Variants in TMEM50B observed in about 807,000 individuals in gnomAD.
TMEM50B encodes HCV p7-trans-regulated protein 3.
TMEM50B carries 14 observed loss-of-function variants against 23.4 expected under a neutral mutation model. The observed-to-expected ratio is 0.60, with a 90% CI of 0.39 to 0.93. The LOEUF is 0.93. TMEM50B is among the 40% of genes least tolerant of loss of function. The pLI is 0.00. For missense variants in TMEM50B, 159 were observed against 193.0 expected (o/e 0.82, Z 1.04); for synonymous variants, 64 against 62.3 (o/e 1.03, Z -0.13).
At chr21:33,438,267 G>C (rs547554666) in intron 8 of TMEM50B, among the ~76,000 whole-genome samples, 1 of 152,256 alleles carries the variant, frequency 6.6e-6, no homozygotes, top group South Asian at 2.1e-4. Flanking sequence ...TTCCAGCCTT[G>C]GCAACAGAGC....
chr21:33,432,950 ATC>A (rs2083905057), intron 8 of TMEM50B: 4 of 1,202,296 alleles, frequency 3.3e-6, no homozygotes, highest in Admixed American at 3.9e-5. Context: ...TCATGGTACA[ATC>A]TCTGCTCACT....
intron 6 of TMEM50B, 100 bp downstream of exon 6, chr21:33,455,627 C>T: frequency 2.0e-6 from 2 of 1,022,434 alleles, no homozygotes; most frequent in Non-Finnish European, 3.0e-6. Flanking sequence ...TCATTGTAAC[C>T]AATCCATGGG....
At chr21:33,451,206 G>A (rs1411965004) in intron 6 of TMEM50B, among the ~76,000 whole-genome samples, 2 of 152,084 alleles carry the variant, frequency 1.3e-5, no homozygotes, top group Non-Finnish European at 2.9e-5. Flanking sequence ...CAGGCATTAG[G>A]GCCATTTTAT....
chr21:33,439,024 G>A (rs919736259), intron 8 of TMEM50B, among the ~76,000 whole-genome samples: 7 of 152,012 alleles, frequency 4.6e-5, no homozygotes, highest in South Asian at 2.1e-4. Flanking sequence ...CACCGTGTCC[G>A]GCAAAAGTGG....
At chr21:33,452,805 T>C (rs1764851712) in intron 6 of TMEM50B, among the ~76,000 whole-genome samples, 1 of 151,932 alleles carries the variant, frequency 6.6e-6, no homozygotes, top group Admixed American at 6.6e-5. Flanking sequence ...AAATGAAGAG[T>C]AAACAGAAGC....
intron 1 of TMEM50B, among the ~76,000 whole-genome samples, chr21:33,470,893 G>C (rs562974585): frequency 6.6e-6 from 1 of 150,696 alleles, no homozygotes; most frequent in African/African-American, 2.4e-5. Flanking sequence ...CCCTCTCAAA[G>C]AAAAAAAAAG....
chr21:33,433,396 T>C (rs2083909807), intron 8 of TMEM50B, among the ~76,000 whole-genome samples: 1 of 152,214 alleles, frequency 6.6e-6, no homozygotes, highest in Non-Finnish European at 1.5e-5. Flanking sequence ...AAATCTTTAA[T>C]AGATGGTCTT....
downstream of TMEM50B, chr21:33,449,016 A>G (rs2084092719): frequency 6.6e-6 from 1 of 152,188 alleles, no homozygotes; most frequent in Non-Finnish European, 1.5e-5. Flanking sequence ...AGCATTTTAC[A>G]AGTCTATTTC....
chr21:33,439,018 G>T (rs1335852697), intron 8 of TMEM50B, among the ~76,000 whole-genome samples: 1 of 152,034 alleles, frequency 6.6e-6, no homozygotes, highest in Non-Finnish European at 1.5e-5. Flanking sequence ...GTGAGCCACC[G>T]TGTCCGGCAA....
chr21:33,465,219 G>T, intron 4 of TMEM50B, 123 bp downstream of exon 4: 1 of 616,954 alleles, frequency 1.6e-6, no homozygotes, highest in Non-Finnish European at 2.7e-6. Flanking sequence ...TTGTTTTAAA[G>T]CAAATAAAAA....
rs373784510 is a variant in TMEM50B at position 33,450,980 on chromosome 21, T to A, written c.432-117A>T. 1.6e-3 allele frequency: 1,240 copies of A among 797,294 alleles called. 14 individuals carry two copies. The South Asian group carries it at 0.017, about 11-fold the overall frequency. 49.4% of individuals were successfully genotyped at this position (797,294 alleles called of 1,614,324 possible). A position where few individuals can be genotyped will look rare whatever the true frequency, so the allele number is the denominator to read the frequency against. On this transcript the variant is annotated intron_variant, in intron 6 of 6. Transcript: ENST00000542230. ...ACTGATTCCTATCAATTTTAAAAAT[T>A]AAATTAGACATCATGGCAGTGTTGG...
At chr21:33,475,517 T>G (rs1169175236) in intron 1 of TMEM50B, among the ~76,000 whole-genome samples, 1 of 152,050 alleles carries the variant, frequency 6.6e-6, no homozygotes, top group East Asian at 2.0e-4. Flanking sequence ...CGGCTACTTT[T>G]TTGTATTTTT....
At chr21:33,459,570 A>C (rs1170958276) in intron 5 of TMEM50B, among the ~76,000 whole-genome samples, 1 of 151,868 alleles carries the variant, frequency 6.6e-6, no homozygotes, top group Non-Finnish European at 1.5e-5. Flanking sequence ...TGGGAGGCTG[A>C]GACAGGCAAA....
At chr21:33,476,501 C>T (rs1260844677) in intron 1 of TMEM50B, among the ~76,000 whole-genome samples, 3 of 152,128 alleles carry the variant, frequency 2.0e-5, no homozygotes, top group Non-Finnish European at 4.4e-5. Flanking sequence ...GTGGCTCACA[C>T]CTGTAATCCC....
intron 4 of TMEM50B, 181 bp downstream of exon 4, chr21:33,465,161 C>T (rs2084254291): frequency 2.0e-6 from 1 of 499,000 alleles, no homozygotes; most frequent in East Asian, 3.2e-5. Flanking sequence ...AAAACAGTAA[C>T]TTCTAGCAAT....
intron 4 of TMEM50B, among the ~76,000 whole-genome samples, chr21:33,461,180 C>G (rs1803444633): frequency 1.3e-5 from 2 of 152,184 alleles, no homozygotes; most frequent in Admixed American, 1.3e-4. Flanking sequence ...CCATCAACCT[C>G]TGGAAGGGGA....
chr21:33,456,041 C>A (rs1188692730), intron 5 of TMEM50B: 2 of 667,228 alleles, frequency 3.0e-6, no homozygotes, highest in Admixed American at 4.1e-5. Context: ...CTGGTTCTAG[C>A]TACATCAAAA....
At chr21:33,451,115 A>T (rs2084115985) in intron 6 of TMEM50B, among the ~76,000 whole-genome samples, 1 of 152,258 alleles carries the variant, frequency 6.6e-6, no homozygotes, top group African/African-American at 2.4e-5. Flanking sequence ...TAAGGAAAAG[A>T]GACATTTCTC....
At position 33,434,971 on chromosome 21, in the gene TMEM50B, G is replaced by T. The variant is rs1002506957; in HGVS notation, c.*2121-2169C>A. 7.9e-5 allele frequency among the ~76,000 whole-genome samples: 12 copies of T among 152,228 alleles called. No individual in the cohort carries two copies. The East Asian group carries it at 1.2e-3, about 15-fold the overall frequency. ...GAAAGCATAAAGAACATCCGCCAAA[G>T]GTCTCTGAGTTACATGGGAACAGTG... is the stretch of plus-strand genomic sequence containing the variant. On this transcript the variant is annotated intron_variant and NMD_transcript_variant, in intron 8 of 8. Coordinates refer to the TMEM50B transcript ENST00000420455.
Sources: gnomAD v4.1 joint callset for allele counts (sites outside exome capture counted in the v4.1 genomes callset) on GRCh38, gnomAD v4.1.1 for gene constraint, MANE v1.5 for transcripts, NCBI Gene and HGNC (gene_info 2026-07-23, HGNC 2026-07-21) for gene names.